Variants in PTPRD observed in about 807,000 individuals in gnomAD.
PTPRD encodes the protein receptor-type tyrosine-protein phosphatase delta.
In PTPRD, 34 loss-of-function variants were observed where a neutral mutation model predicts 214.5. The observed-to-expected ratio is 0.16, with a 90% CI of 0.12 to 0.21. The LOEUF is 0.21. PTPRD is among the 10% of genes least tolerant of loss of function. PTPRD has a pLI of 1.00. For missense variants in PTPRD, 2,545 were observed against 2,398.7 expected, an observed-to-expected ratio of 1.06 and a Z score of -1.27; for synonymous variants, 1,128 against 845.7, an observed-to-expected ratio of 1.33 and a Z score of -5.79.
At position 8,393,518 on chromosome 9, in the gene PTPRD, A is replaced by T. The variant is rs550742869; in HGVS notation, c.4211-4111T>A. On this transcript the variant is annotated intron_variant, in intron 36 of 45. Transcript: ENST00000381196. Reference sequence around the variant, plus strand: ...TGTTTGCCTTCTGCTCCTCATAAGCAAAATTTTAGAACACATTGGCCCTGC... The same window carrying T: ...TGTTTGCCTTCTGCTCCTCATAAGCTAAATTTTAGAACACATTGGCCCTGC... Among the ~76,000 whole-genome samples the T allele has an allele frequency of 2.6e-5, 4 of 152,234 alleles. No individual in the cohort carries two copies. In the South Asian group the frequency reaches 6.2e-4, roughly 24 times the overall value.
intron 11 of PTPRD, among the ~76,000 whole-genome samples, chr9:8,897,153 C>T (rs2098623613): frequency 6.6e-6 from 1 of 152,056 alleles, no homozygotes; most frequent in Admixed American, 6.6e-5. Context: ...AGACAGAGGC[C>T]AAAATCTATC....
At chr9:9,734,009 G>A (rs1040334721) in intron 7 of PTPRD, among the ~76,000 whole-genome samples, 4 of 152,126 alleles carry the variant, frequency 2.6e-5, no homozygotes, top group Admixed American at 1.3e-4. Context: ...CATGTCCCAG[G>A]AAAATGTTGC....
chr9:8,746,194 A>G (rs1220326271), intron 11 of PTPRD, among the ~76,000 whole-genome samples: 1 of 152,210 alleles, frequency 6.6e-6, no homozygotes, highest in African/African-American at 2.4e-5. Context: ...TCACAGAGTT[A>G]TACAGTCTGG....
Position 9,667,278 on chromosome 9 carries a change from C to A in PTPRD, c.-287+67255G>T, listed in dbSNP as rs184319240. 2.5e-3 allele frequency among the ~76,000 whole-genome samples: 380 copies of A among 152,098 alleles called. 2 individuals carry two copies. Among genetic ancestry groups the A allele is most frequent in the African/African-American group, 8.6e-3 (358 of 41,504 alleles). ...AATATTACCATACCTTGCTCAAATT[C>A]TATTATTTCCCCAAGCCTTATGAGA... On this transcript the variant is annotated intron_variant, in intron 7 of 45. Coordinates refer to ENST00000381196, the MANE Select transcript of PTPRD (RefSeq NM_002839.4).
intron 3 of PTPRD, among the ~76,000 whole-genome samples, chr9:10,330,394 T>C (rs972887195): frequency 1.3e-5 from 2 of 151,778 alleles, no homozygotes; most frequent in Non-Finnish European, 2.9e-5. Flanking sequence ...CTGGGCAGAT[T>C]TGCACTCCTG....
intron 21 of PTPRD, among the ~76,000 whole-genome samples, chr9:8,510,765 T>G (rs555687767): frequency 6.6e-6 from 1 of 152,162 alleles, no homozygotes; most frequent in Non-Finnish European, 1.5e-5. Flanking sequence ...TTTGTCATAT[T>G]TGAATCCACA....
chr9:8,663,493 T>C (rs1483296348), intron 12 of PTPRD, among the ~76,000 whole-genome samples: 1 of 152,086 alleles, frequency 6.6e-6, no homozygotes, highest in Non-Finnish European at 1.5e-5. Context: ...ATTTTTGTTG[T>C]TGTTATTTAT....
chr9:10,596,950 C>T (rs945030107), intron 2 of PTPRD, among the ~76,000 whole-genome samples: 5 of 151,458 alleles, frequency 3.3e-5, no homozygotes, highest in Non-Finnish European at 7.4e-5. Flanking sequence ...TCAAATAAAA[C>T]ATAAATATTT....
chr9:9,380,448 C>A (rs757914921), intron 9 of PTPRD, among the ~76,000 whole-genome samples: 1 of 152,002 alleles, frequency 6.6e-6, no homozygotes, highest in Non-Finnish European at 1.5e-5. Context: ...TACAGGCATG[C>A]AATGTGAAAT....
chr9:9,792,811 T>C (rs1174592), intron 5 of PTPRD, among the ~76,000 whole-genome samples: 132,670 of 152,066 alleles, frequency 0.87, 58,707 homozygotes, highest in African/African-American at 0.96. Context: ...GGGACAGGTG[T>C]TAATTTCAAT....
chr9:10,027,550 T>G lies in PTPRD; in HGVS notation c.-472+6168A>C, dbSNP rs900275878. Reference sequence around the variant, plus strand: ...ATGTGTATTATAAAATATAACAGGATAAGAGAAGAATATACATGTTCAGTC... The same window carrying G: ...ATGTGTATTATAAAATATAACAGGAGAAGAGAAGAATATACATGTTCAGTC... On this transcript the variant is annotated intron_variant, in intron 4 of 45. Coordinates refer to ENST00000381196, the MANE Select transcript of PTPRD (RefSeq NM_002839.4). 2.0e-5 allele frequency among the ~76,000 whole-genome samples: 3 copies of G among 152,282 alleles called. No individual in the cohort carries two copies. The South Asian group carries it at 6.2e-4, about 32-fold the overall frequency.
At chr9:9,799,275 G>T (rs1474376764) in intron 5 of PTPRD, 3 of 152,076 alleles carry the variant, frequency 2.0e-5, no homozygotes, top group Non-Finnish European at 4.4e-5. Context: ...AAAAATTAAA[G>T]ATCTTACAGA....
intron 5 of PTPRD, among the ~76,000 whole-genome samples, chr9:9,883,692 C>T (rs1565992531): frequency 6.6e-5 from 10 of 152,156 alleles, no homozygotes; most frequent in Admixed American, 6.6e-4. Flanking sequence ...CACATGTACT[C>T]TATCTAACCT....
chr9:10,527,353 A>T (rs1258262385), intron 2 of PTPRD, among the ~76,000 whole-genome samples: 1 of 152,172 alleles, frequency 6.6e-6, no homozygotes, highest in Non-Finnish European at 1.5e-5. Flanking sequence ...ACTAGGTAAC[A>T]ATAATTAGTG....
intron 10 of PTPRD, among the ~76,000 whole-genome samples, chr9:9,156,680 T>C (rs913088115): frequency 1.3e-4 from 20 of 152,092 alleles, no homozygotes; most frequent in African/African-American, 4.8e-4. Flanking sequence ...AAATCAGGTA[T>C]TCCAGATTAG....
intron 6 of PTPRD, among the ~76,000 whole-genome samples, chr9:9,747,963 T>A (rs1173219692): frequency 6.6e-6 from 1 of 152,194 alleles, no homozygotes; most frequent in Non-Finnish European, 1.5e-5. Context: ...TGAGTCACTG[T>A]CCATGCAATG....
At chr9:10,329,667 G>A (rs188215637) in intron 3 of PTPRD, among the ~76,000 whole-genome samples, 18 of 151,776 alleles carry the variant, frequency 1.2e-4, no homozygotes, top group East Asian at 2.0e-4. Flanking sequence ...CTTATATAAA[G>A]GTTGGAAAAA....
At chr9:10,492,086 G>A (rs2040474347) in intron 2 of PTPRD, among the ~76,000 whole-genome samples, 1 of 152,120 alleles carries the variant, frequency 6.6e-6, no homozygotes, top group Admixed American at 6.6e-5. Context: ...GTGTACATGT[G>A]CCACATTGTC....
chr9:8,582,797 G>C (rs2093295861), intron 14 of PTPRD, among the ~76,000 whole-genome samples: 2 of 152,070 alleles, frequency 1.3e-5, no homozygotes, highest in South Asian at 4.2e-4. Context: ...ATATAAACTG[G>C]GACAATCACT....
Sources: allele counts gnomAD v4.1 joint callset (sites outside exome capture counted in the v4.1 genomes callset), GRCh38; gene constraint gnomAD v4.1.1; transcripts MANE v1.5; gene names NCBI Gene and HGNC (gene_info 2026-07-23, HGNC 2026-07-21).